The following ASIC5 variants were observed in gnomAD, a reference collection of about 807,000 sequenced individuals.
The protein encoded by ASIC5 is bile acid-sensitive ion channel.
In ASIC5, 52 loss-of-function variants were observed where a neutral mutation model predicts 51.2. That is an observed-to-expected ratio of 1.02 (90% CI 0.81 to 1.28). The LOEUF is 1.28. Ranked by LOEUF, ASIC5 falls within the 50% of genes most tolerant of loss-of-function variation. The probability of loss-of-function intolerance (pLI) is 0.00; values close to 1 mark genes in which losing one functional copy is unlikely to be tolerated. For synonymous variants in ASIC5, 231 were observed against 200.7 expected (o/e 1.15, Z -1.28); for missense variants, 635 against 595.0 (o/e 1.07, Z -0.70).
chr4:155,862,209 G>T (rs905020623), intron 2 of ASIC5, among the ~76,000 whole-genome samples: 40 of 151,960 alleles, frequency 2.6e-4, no homozygotes, highest in African/African-American at 5.8e-4. Context: ...ATCATTTTTT[G>T]GGGGGAAAGG....
chr4:155,852,432 C>A, intron 3 of ASIC5, 116 bp from the exon 4 acceptor site: 1 of 825,480 alleles, frequency 1.2e-6, no homozygotes, highest in Admixed American at 3.4e-5. Context: ...GCAGAAATAT[C>A]AGAGAGAATA....
At chr4:155,835,391 T>C (rs1367648589) in intron 8 of ASIC5, among the ~76,000 whole-genome samples, 3 of 145,620 alleles carry the variant, frequency 2.1e-5, no homozygotes, top group African/African-American at 7.7e-5. Context: ...TTCTCCCGTT[T>C]CAAGAATAAT....
Position 155,838,884 on chromosome 4 carries a change from G to A in ASIC5, c.1010-15C>T. 2 of 1,458,820 alleles carry A rather than the reference G, an allele frequency of 1.4e-6. No individual in the cohort carries two copies. The highest frequency in any genetic ancestry group is 1.9e-6 in the Non-Finnish European group (2 of 1,047,916). 90.4% of individuals were successfully genotyped at this position (1,458,820 alleles called of 1,614,324 possible). A position where few individuals can be genotyped will look rare whatever the true frequency, so the allele number is the denominator to read the frequency against. On this transcript the variant is annotated splice_polypyrimidine_tract_variant and intron_variant, in intron 6 of 9. Coordinates refer to ENST00000537611, the MANE Select transcript of ASIC5 (RefSeq NM_017419.3). ...TATCCCATATCCTTAAAAATAATAA[G>A]TGTAACATATAGAGACTTTACATTT... is the stretch of plus-strand genomic sequence containing the variant.
intron 6 of ASIC5, among the ~76,000 whole-genome samples, chr4:155,840,428 AT>A (rs1741089269): frequency 6.8e-6 from 1 of 147,394 alleles, no homozygotes; most frequent in African/African-American, 2.5e-5. Flanking sequence ...TATTTTTTAT[AT>A]TATATATAAT....
intron 4 of ASIC5, among the ~76,000 whole-genome samples, chr4:155,847,767 G>C (rs1164241397): frequency 6.6e-6 from 1 of 151,812 alleles, no homozygotes; most frequent in Non-Finnish European, 1.5e-5. Flanking sequence ...TTGAGATGTG[G>C]GGCCAGAAAT....
At chr4:155,845,932 A>C (rs954443720) in intron 4 of ASIC5, among the ~76,000 whole-genome samples, 3 of 152,056 alleles carry the variant, frequency 2.0e-5, no homozygotes, top group African/African-American at 7.2e-5. Context: ...AGATAGGAAA[A>C]AAATAATAAA....
Position 155,836,213 on chromosome 4 carries a change from T to C in ASIC5, c.1235+476A>G, listed in dbSNP as rs1740975886. 2.6e-5 allele frequency among the ~76,000 whole-genome samples: 4 copies of C among 152,242 alleles called. No homozygotes were observed. In the South Asian group the frequency reaches 8.3e-4, roughly 31 times the overall value. On this transcript the variant is annotated intron_variant, in intron 8 of 9. Transcript: ENST00000537611. ...GACATGGGGACCAGCGTCAAAGTTCTTGGGCATAACTTCTTTCTGGGCCCC... is the reference window on the plus strand; with the variant it reads ...GACATGGGGACCAGCGTCAAAGTTCCTGGGCATAACTTCTTTCTGGGCCCC...
At chr4:155,839,131 C>T (rs183620229) in intron 6 of ASIC5, among the ~76,000 whole-genome samples, 7 of 152,068 alleles carry the variant, frequency 4.6e-5, no homozygotes, top group South Asian at 2.1e-4. Flanking sequence ...AATCTTTAAG[C>T]GGGAATAATA....
Position 155,829,905 on chromosome 4 carries a change from G to C in ASIC5, c.1469C>G (p.Pro490Arg), listed in dbSNP as rs543837967. ...ATTTCCCAGATGATTCTGAGGTGGA[G>C]GAGTCCACTGGGTCATTTCAGATAT... Reference protein sequence around the residue: ...LKISEMTQWTPPPQNHLGNKN... With the variant: ...LKISEMTQWTRPPQNHLGNKN... Residue 490 changes from proline to arginine, a missense_variant, in exon 10 of 10, where the codon CCT becomes CGT. Transcript: ENST00000537611. 1 of 1,603,500 alleles carries C rather than the reference G, an allele frequency of 6.2e-7. No individual in the cohort carries two copies. The highest frequency in any genetic ancestry group is 2.3e-5 in the East Asian group (1 of 44,304).
chr4:155,859,411 AG>A (rs1256643632), intron 2 of ASIC5, among the ~76,000 whole-genome samples: 1 of 152,018 alleles, frequency 6.6e-6, no homozygotes, highest in Non-Finnish European at 1.5e-5. Flanking sequence ...AGTATTAAAA[AG>A]GGATCTCTGA....
At chr4:155,865,033 T>C (rs924481282) in intron 1 of ASIC5, 11 of 152,084 alleles carry the variant, frequency 7.2e-5, no homozygotes, top group Non-Finnish European at 4.4e-5. Context: ...TAATACAACA[T>C]AAATAACCAA....
intron 6 of ASIC5, among the ~76,000 whole-genome samples, chr4:155,841,865 A>G (rs1579287101): frequency 6.6e-6 from 1 of 152,158 alleles, no homozygotes; most frequent in East Asian, 1.9e-4. Flanking sequence ...GCAAATGGAT[A>G]ATTTTCCAGT....
chr4:155,853,699 C>A (rs929892400), intron 3 of ASIC5, among the ~76,000 whole-genome samples: 3 of 149,854 alleles, frequency 2.0e-5, no homozygotes, highest in Non-Finnish European at 3.0e-5. Flanking sequence ...TAATGCAATA[C>A]CATAAGCATA....
chr4:155,835,823 TG>T (rs1209096479), intron 8 of ASIC5, among the ~76,000 whole-genome samples: 1 of 152,158 alleles, frequency 6.6e-6, no homozygotes, highest in Admixed American at 6.5e-5. Flanking sequence ...AGCGTTTACA[TG>T]GGAATTTTTT....
chr4:155,856,215 T>C (rs1240498222), intron 2 of ASIC5, among the ~76,000 whole-genome samples: 4 of 152,108 alleles, frequency 2.6e-5, no homozygotes, highest in Non-Finnish European at 5.9e-5. Context: ...ACACATTAAA[T>C]ATCATTGTAA....
At chr4:155,859,914 A>G (rs1363042081) in intron 2 of ASIC5, among the ~76,000 whole-genome samples, 1 of 152,050 alleles carries the variant, frequency 6.6e-6, no homozygotes, top group African/African-American at 2.4e-5. Context: ...TTTAAAAATT[A>G]ATCAAAGCTC....
intron 1 of ASIC5, among the ~76,000 whole-genome samples, chr4:155,865,369 A>T (rs1194923493): frequency 6.6e-6 from 1 of 152,140 alleles, no homozygotes; most frequent in Non-Finnish European, 1.5e-5. Context: ...ATATATTTAA[A>T]TATGCTCTTT....
chr4:155,839,348 T>TACACAC (rs60209135), intron 6 of ASIC5, among the ~76,000 whole-genome samples: 1,651 of 147,426 alleles, frequency 0.011, 25 homozygotes, highest in South Asian at 0.052. Flanking sequence ...TCTATCCATT[T>TACACAC]ACACACACAC....
At chr4:155,865,317 A>G (rs1393516065) in intron 1 of ASIC5, among the ~76,000 whole-genome samples, 1 of 152,116 alleles carries the variant, frequency 6.6e-6, no homozygotes, top group South Asian at 2.1e-4. Flanking sequence ...TCCCAGAGAA[A>G]AATCAGAAAC....
Sources: gnomAD v4.1 joint callset for allele counts (sites outside exome capture counted in the v4.1 genomes callset) on GRCh38, gnomAD v4.1.1 for gene constraint, MANE v1.5 for transcripts, NCBI Gene and HGNC (gene_info 2026-07-23, HGNC 2026-07-21) for gene names.